ADCY2: variants seen among roughly 807,000 people sequenced by gnomAD.
ADCY2 encodes the protein adenylate cyclase type 2.
A neutral mutation model predicts 125.2 loss-of-function variants in ADCY2; 31 were observed. The observed-to-expected ratio is 0.25, with a 90% CI of 0.19 to 0.33. The LOEUF (loss-of-function observed/expected upper bound fraction) is 0.33. ADCY2 is among the 10% of genes least tolerant of loss of function. The pLI is 1.00. For synonymous variants in ADCY2, 512 were observed against 548.4 expected (o/e 0.93, Z 0.93); for missense variants, 904 against 1,418.2 (o/e 0.64, Z 5.82).
At chr5:7,656,240 G>A (rs1272396674) in intron 4 of ADCY2, among the ~76,000 whole-genome samples, 2 of 152,014 alleles carry the variant, frequency 1.3e-5, no homozygotes, top group African/African-American at 2.4e-5. Context: ...TTTTAGTGGA[G>A]ACGGGGTTTC....
chr5:7,729,995 T>A (rs1742051333), intron 14 of ADCY2, among the ~76,000 whole-genome samples: 1 of 152,094 alleles, frequency 6.6e-6, no homozygotes, highest in South Asian at 2.1e-4. Flanking sequence ...GTAGTACACA[T>A]TGTACCCAAT....
intron 2 of ADCY2, among the ~76,000 whole-genome samples, chr5:7,515,006 A>G (rs542126058): frequency 2.2e-4 from 34 of 152,228 alleles, no homozygotes; most frequent in Non-Finnish European, 4.3e-4. Context: ...CACTTGACAC[A>G]TGATCTGAAG....
At position 7,803,662 on chromosome 5, in the gene ADCY2, G is replaced by A. The variant is rs892640821; in HGVS notation, c.2776-923G>A. 1.2e-4 allele frequency among the ~76,000 whole-genome samples: 19 copies of A among 152,270 alleles called. No individual in the cohort carries two copies. In the East Asian group the frequency reaches 2.3e-3, roughly 19 times the overall value. On this transcript the variant is annotated intron_variant, in intron 21 of 24. Coordinates refer to ENST00000338316, the MANE Select transcript of ADCY2 (RefSeq NM_020546.3). ...GCCTGTCATCCTAGCACTTTAGGTG[G>A]CCAAGGTGGGAGGATCGCTTGAGCC...
intron 19 of ADCY2, 99 bp from the exon 20 acceptor site, chr5:7,789,543 C>T (rs745995534): frequency 4.3e-5 from 54 of 1,256,736 alleles, no homozygotes; most frequent in African/African-American, 2.8e-4. Flanking sequence ...GTTCTTTTTT[C>T]GGTTTCATTT....
At chr5:7,711,166 T>A (rs980815796) in intron 10 of ADCY2, among the ~76,000 whole-genome samples, 2 of 152,150 alleles carry the variant, frequency 1.3e-5, no homozygotes, top group Non-Finnish European at 2.9e-5. Flanking sequence ...AGGTTGTAGA[T>A]GACATTTGAA....
At chr5:7,501,123 C>CT (rs138836583) in intron 2 of ADCY2, among the ~76,000 whole-genome samples, 4,460 of 97,600 alleles carry the variant, frequency 0.046, 103 homozygotes, top group Non-Finnish European at 0.07. Flanking sequence ...TAAATAAAAG[C>CT]TTTTTTTTAA....
chr5:7,683,417 C>T (rs556293973), intron 4 of ADCY2, among the ~76,000 whole-genome samples: 81 of 152,296 alleles, frequency 5.3e-4, no homozygotes, highest in African/African-American at 1.8e-3. Context: ...AAAAATGGCT[C>T]CCAAATCAAA....
At chr5:7,684,291 C>T (rs989880919) in intron 4 of ADCY2, among the ~76,000 whole-genome samples, 2 of 152,220 alleles carry the variant, frequency 1.3e-5, no homozygotes, top group African/African-American at 4.8e-5. Flanking sequence ...GACTTGGGTG[C>T]TGGTGTGCCA....
chr5:7,469,534 C>A (rs1008153145), intron 2 of ADCY2, among the ~76,000 whole-genome samples: 1 of 151,726 alleles, frequency 6.6e-6, no homozygotes, highest in Non-Finnish European at 1.5e-5. Flanking sequence ...ATATATCTCC[C>A]AGATCATTTC....
At position 7,820,656 on chromosome 5, in the gene ADCY2, G is replaced by A; in HGVS notation, c.3090G>A (p.Arg1030=). 16 of 1,614,040 alleles carry A rather than the reference G, an allele frequency of 9.9e-6. No individual in the cohort carries two copies. Among genetic ancestry groups the A allele is most frequent in the East Asian group, 2.2e-5 (1 of 44,870 alleles). ...IWGNTVNVAS[R]MDSTGVLDKI... Reference sequence around the variant, plus strand: ...GCAACACTGTCAATGTGGCCAGTAGGATGGACAGCACCGGAGTCCTGGACA... The same window carrying A: ...GCAACACTGTCAATGTGGCCAGTAGAATGGACAGCACCGGAGTCCTGGACA... The change falls in exon 24 of 25, where the codon AGG becomes AGA. Residue 1030 remains arginine, a synonymous_variant. Transcript: ENST00000338316.
At chr5:7,675,723 A>G (rs962808095) in intron 4 of ADCY2, among the ~76,000 whole-genome samples, 12 of 152,196 alleles carry the variant, frequency 7.9e-5, no homozygotes, top group African/African-American at 2.9e-4. Context: ...TGTGCAGGGA[A>G]GAATCAGCAG....
intron 4 of ADCY2, among the ~76,000 whole-genome samples, chr5:7,628,098 C>A (rs1272769085): frequency 6.6e-6 from 1 of 152,128 alleles, no homozygotes; most frequent in Admixed American, 6.5e-5. Flanking sequence ...CATCTGTGTT[C>A]TAGAAAATTC....
chr5:7,682,370 T>C (rs1740367530), intron 4 of ADCY2, among the ~76,000 whole-genome samples: 2 of 152,202 alleles, frequency 1.3e-5, no homozygotes, highest in South Asian at 4.1e-4. Flanking sequence ...CCCTTTAAGG[T>C]GAAAGTTAGC....
chr5:7,720,744 G>A (rs1561186670), intron 12 of ADCY2, among the ~76,000 whole-genome samples: 1 of 152,136 alleles, frequency 6.6e-6, no homozygotes, highest in Admixed American at 6.5e-5. Context: ...TTTTATGGCT[G>A]CATAGTATTC....
intron 2 of ADCY2, among the ~76,000 whole-genome samples, chr5:7,499,632 T>C (rs1743473074): frequency 7.1e-6 from 1 of 141,580 alleles, no homozygotes; most frequent in Non-Finnish European, 1.5e-5. Context: ...ACTAAAGAAG[T>C]ACATATATGT....
chr5:7,634,514 G>A (rs1038482892), intron 4 of ADCY2, among the ~76,000 whole-genome samples: 3 of 152,020 alleles, frequency 2.0e-5, no homozygotes, highest in Non-Finnish European at 4.4e-5. Context: ...AAAGACTAAC[G>A]TTGTCATAAA....
intron 3 of ADCY2, among the ~76,000 whole-genome samples, chr5:7,572,284 T>C (rs1736091805): frequency 6.6e-6 from 1 of 152,184 alleles, no homozygotes; most frequent in Admixed American, 6.5e-5. Flanking sequence ...TATAAATGTT[T>C]CTTTTTCTCC....
At chr5:7,470,157 C>G (rs943877372) in intron 2 of ADCY2, among the ~76,000 whole-genome samples, 7 of 151,530 alleles carry the variant, frequency 4.6e-5, no homozygotes, top group South Asian at 4.1e-4. Context: ...TTTTTATCAT[C>G]TTATTGGTTT....
At chr5:7,600,521 G>A (rs1245659280) in intron 3 of ADCY2, among the ~76,000 whole-genome samples, 1 of 152,196 alleles carries the variant, frequency 6.6e-6, no homozygotes, top group African/African-American at 2.4e-5. Context: ...GGTCTGAGAT[G>A]GTCTCAGAGG....
Sources: allele counts gnomAD v4.1 joint callset (sites outside exome capture counted in the v4.1 genomes callset), GRCh38; gene constraint gnomAD v4.1.1; transcripts MANE v1.5; gene names NCBI Gene and HGNC (gene_info 2026-07-23, HGNC 2026-07-21).